The following CFAP299 variants were observed in gnomAD, a reference collection of about 807,000 sequenced individuals.
CFAP299 encodes cilia- and flagella-associated protein 299.
Under a neutral mutation model 27.0 loss-of-function variants are expected in CFAP299, and 21 were observed. The ratio of observed to expected loss-of-function variants is 0.78; its 90% CI spans 0.55 to 1.12. CFAP299 has a LOEUF of 1.12. Ranked by LOEUF, CFAP299 falls within the 50% of genes most tolerant of loss-of-function variation. CFAP299 has a pLI of 0.00. For synonymous variants in CFAP299, 104 were observed against 98.1 expected (o/e 1.06, Z -0.36); for missense variants, 310 against 276.6 (o/e 1.12, Z -0.86).
intron 4 of CFAP299, among the ~76,000 whole-genome samples, chr4:80,937,980 A>G (rs189778121): frequency 7.9e-4 from 120 of 152,310 alleles, no homozygotes; most frequent in African/African-American, 2.7e-3. Context: ...AACTTATAAA[A>G]ACTTAACTTT....
chr4:80,927,393 T>G (rs1330242668), intron 4 of CFAP299, among the ~76,000 whole-genome samples: 1 of 152,082 alleles, frequency 6.6e-6, no homozygotes, highest in Non-Finnish European at 1.5e-5. Flanking sequence ...CATGCTCCCT[T>G]AAGGTAACAC....
chr4:80,502,965 T>G (rs1480433461), intron 2 of CFAP299, among the ~76,000 whole-genome samples: 2 of 152,046 alleles, frequency 1.3e-5, no homozygotes, highest in Non-Finnish European at 2.9e-5. Flanking sequence ...TCTGAGTAAG[T>G]TGGTGAGACA....
Position 80,608,603 on chromosome 4 carries a change from G to A in CFAP299, c.333+25420G>A, listed in dbSNP as rs531229994. Among the ~76,000 whole-genome samples the A allele has an allele frequency of 4.2e-3, 638 of 151,906 alleles. 2 individuals carry two copies. Among genetic ancestry groups the A allele is most frequent in the South Asian group, 6.7e-3 (32 of 4,800 alleles). ...AATGGCTCTCATTTTGAAAAAAAGC[G>A]CATTGTAGATTTAATGAAGGAACTT... On this transcript the variant is annotated intron_variant, in intron 3 of 5. Transcript: ENST00000358105.
intron 3 of CFAP299, among the ~76,000 whole-genome samples, chr4:80,711,612 T>C (rs923139286): frequency 6.6e-6 from 1 of 152,124 alleles, no homozygotes; most frequent in African/African-American, 2.4e-5. Context: ...GAGTGACTTG[T>C]CTTAGGGTAC....
chr4:80,948,971 A>G (rs1458934412), intron 5 of CFAP299, among the ~76,000 whole-genome samples: 2 of 152,202 alleles, frequency 1.3e-5, no homozygotes, highest in Non-Finnish European at 2.9e-5. Context: ...CAAAAAATGC[A>G]AGAATTTATT....
At chr4:80,930,999 G>A (rs1256370477) in intron 4 of CFAP299, among the ~76,000 whole-genome samples, 1 of 152,010 alleles carries the variant, frequency 6.6e-6, no homozygotes, top group African/African-American at 2.4e-5. Context: ...TGTATTGTTA[G>A]AATTATCTGG....
intron 3 of CFAP299, among the ~76,000 whole-genome samples, chr4:80,816,028 AAAAAG>A (rs1729403716): frequency 6.6e-6 from 1 of 152,028 alleles, no homozygotes; most frequent in African/African-American, 2.4e-5. Context: ...TTGAACCTAG[AAAAAG>A]AAAACTATTA....
intron 4 of CFAP299, among the ~76,000 whole-genome samples, chr4:80,908,657 G>C (rs1735306700): frequency 3.3e-5 from 5 of 152,076 alleles, no homozygotes; most frequent in Admixed American, 3.3e-4. Context: ...ACATAAATGT[G>C]CAAACCAAAT....
chr4:80,474,139 A>T (rs892600552), intron 2 of CFAP299, among the ~76,000 whole-genome samples: 2 of 152,184 alleles, frequency 1.3e-5, no homozygotes, highest in Non-Finnish European at 2.9e-5. Flanking sequence ...AAATGTTTTT[A>T]TTTGGACACT....
At chr4:80,455,301 G>A (rs116307938) in intron 2 of CFAP299, among the ~76,000 whole-genome samples, 1,950 of 152,214 alleles carry the variant, frequency 0.013, 47 homozygotes, top group African/African-American at 0.044. Context: ...GAATGAACAA[G>A]GTTAAAACCA....
intron 4 of CFAP299, among the ~76,000 whole-genome samples, chr4:80,916,961 G>A (rs1735795439): frequency 6.6e-6 from 1 of 152,084 alleles, no homozygotes; most frequent in East Asian, 1.9e-4. Flanking sequence ...TTACTCAATA[G>A]AGGTAAGCAC....
intron 3 of CFAP299, among the ~76,000 whole-genome samples, chr4:80,822,653 C>T (rs1729766980): frequency 6.6e-6 from 1 of 152,148 alleles, no homozygotes; most frequent in African/African-American, 2.4e-5. Flanking sequence ...TCTATGAGAG[C>T]ATAAGCACAG....
intron 3 of CFAP299, among the ~76,000 whole-genome samples, chr4:80,862,779 T>C (rs578069143): frequency 3.9e-5 from 6 of 152,112 alleles, no homozygotes; most frequent in Non-Finnish European, 7.4e-5. Context: ...GTGAATTGTA[T>C]GAATAGTGAA....
intron 3 of CFAP299, among the ~76,000 whole-genome samples, chr4:80,627,038 A>C (rs1009354600): frequency 6.7e-6 from 1 of 148,590 alleles, no homozygotes; most frequent in African/African-American, 2.5e-5. Context: ...AACAAACAAA[A>C]AACTACAAAA....
chr4:80,667,929 A>T (rs967717985), intron 3 of CFAP299, among the ~76,000 whole-genome samples: 3 of 151,744 alleles, frequency 2.0e-5, no homozygotes, highest in African/African-American at 4.8e-5. Context: ...ATTAATTTAC[A>T]CTCCCACCAA....
At chr4:80,344,226 A>G (rs891963298) in intron 1 of CFAP299, among the ~76,000 whole-genome samples, 119 of 152,110 alleles carry the variant, frequency 7.8e-4, no homozygotes, top group African/African-American at 2.8e-3. Flanking sequence ...TTTTGAAAAA[A>G]TTAATAAGAT....
intron 3 of CFAP299, among the ~76,000 whole-genome samples, chr4:80,673,439 C>A (rs1719146246): frequency 6.6e-6 from 1 of 151,888 alleles, no homozygotes. Flanking sequence ...ACTATGTGGT[C>A]AGTTTGGGAA....
chr4:80,425,106 C>T (rs7666324), intron 2 of CFAP299, among the ~76,000 whole-genome samples: 1,721 of 152,190 alleles, frequency 0.011, 41 homozygotes, highest in African/African-American at 0.039. Context: ...CCCCAAAAAG[C>T]GTGTGTTATA....
At chr4:80,405,747 A>G (rs1288872446) in intron 2 of CFAP299, among the ~76,000 whole-genome samples, 3 of 152,178 alleles carry the variant, frequency 2.0e-5, no homozygotes, top group Non-Finnish European at 4.4e-5. Context: ...GCCAACCGGC[A>G]TACAATTTAT....
Sources: allele counts gnomAD v4.1 joint callset (sites outside exome capture counted in the v4.1 genomes callset), GRCh38; gene constraint gnomAD v4.1.1; transcripts MANE v1.5; gene names NCBI Gene and HGNC (gene_info 2026-07-23, HGNC 2026-07-21).